Variants in PPP3R1 observed in about 807,000 individuals in gnomAD.
PPP3R1 encodes protein phosphatase 3 regulatory subunit B, alpha.
PPP3R1 carries 5 observed loss-of-function variants against 22.6 expected under a neutral mutation model. That is an observed-to-expected ratio of 0.22 (90% CI 0.12 to 0.46). PPP3R1 has a LOEUF of 0.46. Ranked by LOEUF, PPP3R1 falls within the 20% of genes least tolerant of loss-of-function variation. The pLI, the probability that PPP3R1 is intolerant of heterozygous loss-of-function variation, is 0.99. For missense variants in PPP3R1, 61 were observed against 203.2 expected, an observed-to-expected ratio of 0.30 and a Z score of 4.25; for synonymous variants, 56 against 65.2, an observed-to-expected ratio of 0.86 and a Z score of 0.68.
intron 2 of PPP3R1, among the ~76,000 whole-genome samples, chr2:68,211,250 C>CA (rs1669476957): frequency 1.3e-5 from 2 of 151,620 alleles, no homozygotes; most frequent in Admixed American, 6.6e-5. Context: ...ACTAAAAATA[C>CA]AAAAAAATTA....
intron 1 of PPP3R1, among the ~76,000 whole-genome samples, chr2:68,217,696 C>T (rs994831067): frequency 2.0e-5 from 3 of 152,036 alleles, no homozygotes; most frequent in Non-Finnish European, 4.4e-5. Flanking sequence ...ACTTGAAAAC[C>T]ATTTCAAATT....
chr2:68,183,893 T>C (rs1674474882), intron 5 of PPP3R1, among the ~76,000 whole-genome samples: 2 of 152,164 alleles, frequency 1.3e-5, no homozygotes, highest in African/African-American at 2.4e-5. Context: ...CTTTGAATGA[T>C]CTGGTAGCAC....
intron 2 of PPP3R1, among the ~76,000 whole-genome samples, chr2:68,198,406 T>C (rs1326402797): frequency 3.2e-5 from 4 of 124,732 alleles, no homozygotes; most frequent in East Asian, 2.3e-4. Flanking sequence ...TATATATGTG[T>C]ATGTATATGC....
At chr2:68,205,325 C>T (rs1485369412) in intron 2 of PPP3R1, among the ~76,000 whole-genome samples, 1 of 150,628 alleles carries the variant, frequency 6.6e-6, no homozygotes, top group African/African-American at 2.4e-5. Context: ...TCACTGCCAC[C>T]TCTGCCTCCC....
rs1035066605 is a variant in PPP3R1, at chr2:68,252,480, A to G, written c.-353T>C. The G allele has an allele frequency of 5.1e-5, 50 of 985,922 alleles. No individual in the cohort carries two copies. The African/African-American group carries it at 5.5e-4, about 11-fold the overall frequency. The allele number at this position is 985,922 out of a possible 1,614,324, so 61.1% of individuals were successfully genotyped here. On this transcript the variant is annotated 5_prime_UTR_variant, in exon 1 of 6. Transcript: ENST00000234310. ...GGCTGCAGCCTCGCGCTCGCGCCGG[A>G]GCCGTGACGGACTCACTGCAGCGGC...
chr2:68,213,029 T>C (rs568934800), intron 2 of PPP3R1, among the ~76,000 whole-genome samples: 1 of 152,388 alleles, frequency 6.6e-6, no homozygotes, highest in African/African-American at 2.4e-5. Context: ...TGCTCTGCAC[T>C]AGGCTTTGGC....
At chr2:68,241,242 T>C (rs969260413) in intron 1 of PPP3R1, among the ~76,000 whole-genome samples, 20 of 152,190 alleles carry the variant, frequency 1.3e-4, no homozygotes, top group African/African-American at 4.8e-4. Context: ...TCTGGATTAC[T>C]TGCAATATCT....
At chr2:68,217,451 C>A (rs1278558075) in intron 1 of PPP3R1, among the ~76,000 whole-genome samples, 1 of 152,078 alleles carries the variant, frequency 6.6e-6, no homozygotes, top group African/African-American at 2.4e-5. Context: ...TAGGGACTGT[C>A]AATGTTCCAA....
intron 2 of PPP3R1, among the ~76,000 whole-genome samples, chr2:68,191,454 T>C (rs1012909247): frequency 6.6e-6 from 1 of 152,190 alleles, no homozygotes; most frequent in Non-Finnish European, 1.5e-5. Context: ...GCATTTACCA[T>C]GAAAGGAGCT....
Position 68,252,137 on chromosome 2 carries a change from C to A in PPP3R1, c.-10G>T. ...GCCAAGGTCTCACCATTTTGCTCGGCGGGTCGGCGGCTCGCTGGCTCGCTG... is the reference window on the plus strand; with the variant it reads ...GCCAAGGTCTCACCATTTTGCTCGGAGGGTCGGCGGCTCGCTGGCTCGCTG... On this transcript the variant is annotated 5_prime_UTR_variant, in exon 1 of 6. Coordinates refer to ENST00000234310, the MANE Select transcript of PPP3R1 (RefSeq NM_000945.4). 7.0e-7 allele frequency: 1 copy of A among 1,431,708 alleles called. No individual in the cohort carries two copies. Among genetic ancestry groups the A allele is most frequent in the Non-Finnish European group, 9.3e-7 (1 of 1,071,884 alleles). The allele number at this position is 1,431,708 out of a possible 1,614,324, so 88.7% of individuals were successfully genotyped here. A position where few individuals can be genotyped will look rare whatever the true frequency, so the allele number is the denominator to read the frequency against.
chr2:68,239,417 CTG>C (rs1490032969), intron 1 of PPP3R1, among the ~76,000 whole-genome samples: 1 of 152,074 alleles, frequency 6.6e-6, no homozygotes, highest in Non-Finnish European at 1.5e-5. Context: ...AAAAGTATGA[CTG>C]TACAAGGTTT....
At chr2:68,185,121 A>G (rs1419614238) in intron 5 of PPP3R1, among the ~76,000 whole-genome samples, 1 of 151,868 alleles carries the variant, frequency 6.6e-6, no homozygotes, top group African/African-American at 2.4e-5. Flanking sequence ...CAAGAGGCTG[A>G]GGCAGGAAAA....
chr2:68,205,287 G>A (rs187639467), intron 2 of PPP3R1, among the ~76,000 whole-genome samples: 70 of 136,512 alleles, frequency 5.1e-4, no homozygotes, highest in Admixed American at 1.9e-3. Context: ...TCGTTGCCCA[G>A]GCTGCAGTGC....
chr2:68,251,823 G>A (rs1401137974), intron 1 of PPP3R1, among the ~76,000 whole-genome samples: 1 of 149,808 alleles, frequency 6.7e-6, no homozygotes, highest in Non-Finnish European at 1.5e-5. Flanking sequence ...GTGCCCGCGG[G>A]GGTCGATGCC....
chr2:68,222,559 A>G (rs747131338), intron 1 of PPP3R1, among the ~76,000 whole-genome samples: 5 of 152,214 alleles, frequency 3.3e-5, no homozygotes, highest in African/African-American at 1.2e-4. Context: ...CCTGAGCTGC[A>G]AAGTCAAGCT....
At chr2:68,191,646 T>C (rs781568985) in intron 2 of PPP3R1, among the ~76,000 whole-genome samples, 1 of 152,176 alleles carries the variant, frequency 6.6e-6, no homozygotes, top group Non-Finnish European at 1.5e-5. Flanking sequence ...TCCATTATAA[T>C]CTTACGGAAC....
In PPP3R1 at chr2:68,218,728, G is replaced by GTT. The variant is rs200366763; in HGVS notation, c.4-1599_4-1598dup. ...ACTAAAATTTGCACTGTCACTGTGA[G>GTT]TTTTTTTTTTTTTAAATAAGTATCA... On this transcript the variant is annotated intron_variant, in intron 1 of 5. Coordinates refer to ENST00000234310, the MANE Select transcript of PPP3R1 (RefSeq NM_000945.4). 2.4e-4 allele frequency among the ~76,000 whole-genome samples: 9 copies of GTT among 38,166 alleles called. No homozygotes were observed. The East Asian group carries it at 2.7e-3, about 12-fold the overall frequency. 25.0% of individuals were successfully genotyped at this position (38,166 alleles called of 152,430 possible).
intron 2 of PPP3R1, among the ~76,000 whole-genome samples, chr2:68,198,006 C>T: frequency 8.5e-6 from 1 of 118,096 alleles, no homozygotes; most frequent in Non-Finnish European, 1.7e-5. Context: ...CTTTTTATTC[C>T]ATACAGAAAT....
chr2:68,232,255 G>T (rs1269744484), intron 1 of PPP3R1, among the ~76,000 whole-genome samples: 1 of 70,200 alleles, frequency 1.4e-5, no homozygotes, highest in Non-Finnish European at 2.3e-5. Context: ...GTGTGTGTGT[G>T]TGTGTGTGTG....
Sources: allele counts gnomAD v4.1 joint callset (sites outside exome capture counted in the v4.1 genomes callset), GRCh38; gene constraint gnomAD v4.1.1; transcripts MANE v1.5; gene names NCBI Gene and HGNC (gene_info 2026-07-23, HGNC 2026-07-21).